ZFP91: variants seen among roughly 807,000 people sequenced by gnomAD.
ZFP91 encodes E3 ubiquitin-protein ligase ZFP91.
ZFP91 carries 7 observed loss-of-function variants against 63.5 expected under a neutral mutation model. That is an observed-to-expected ratio of 0.11 (90% CI 0.06 to 0.21). The LOEUF is 0.21. Among genes scored for constraint, ZFP91 ranks in the 10% least tolerant of loss-of-function variants. The pLI is 1.00. For missense variants in ZFP91, 628 were observed against 736.6 expected (o/e 0.85, Z 1.71); for synonymous variants, 330 against 272.1 (o/e 1.21, Z -2.10).
chr11:58,616,879 C>A, intron 10 of ZFP91, 64 bp downstream of exon 10: 2 of 1,481,402 alleles, frequency 1.4e-6, no homozygotes, highest in South Asian at 1.2e-5. Context: ...GAAGGTTTGC[C>A]GCTTTACAAA....
At position 58,620,044 on chromosome 11, in the gene ZFP91, A is replaced by G. The variant is rs929248074; in HGVS notation, c.*2338A>G. ...ATCTTTCTGAGATGGGAGAAAATGT[A>G]TTCTCCTTTCCTATACCGCTCTCCC... On this transcript the variant is annotated 3_prime_UTR_variant, in exon 11 of 11. Transcript: ENST00000316059. 7.2e-5 allele frequency: 11 copies of G among 152,208 alleles called. No homozygotes were observed. Among genetic ancestry groups the G allele is most frequent in the Admixed American group, 6.5e-4 (10 of 15,278 alleles). The allele number at this position is 152,208 out of a possible 1,614,324, so 9.4% of individuals were successfully genotyped here.
intron 2 of ZFP91, among the ~76,000 whole-genome samples, chr11:58,600,704 G>A (rs974275546): frequency 6.6e-6 from 1 of 152,116 alleles, no homozygotes; most frequent in Non-Finnish European, 1.5e-5. Flanking sequence ...GAATGGAAGT[G>A]AAGAATGAGG....
At chr11:58,602,872 G>A (rs1335131768) in intron 2 of ZFP91, among the ~76,000 whole-genome samples, 2 of 152,172 alleles carry the variant, frequency 1.3e-5, no homozygotes, top group Admixed American at 6.5e-5. Context: ...AGCTATACTC[G>A]GGAGGCTGAG....
intron 9 of ZFP91, among the ~76,000 whole-genome samples, chr11:58,615,217 A>G (rs140041401): frequency 6.6e-6 from 1 of 152,230 alleles, no homozygotes; most frequent in Non-Finnish European, 1.5e-5. Flanking sequence ...GCACAATACC[A>G]GGATTGAACT....
intron 2 of ZFP91, among the ~76,000 whole-genome samples, chr11:58,609,071 T>G (rs1473795828): frequency 6.6e-6 from 1 of 152,196 alleles, no homozygotes; most frequent in Non-Finnish European, 1.5e-5. Context: ...ATGGGCTCAA[T>G]TCTAATGTAC....
At chr11:58,597,437 GC>G (rs1474463460) in intron 2 of ZFP91, among the ~76,000 whole-genome samples, 2 of 152,176 alleles carry the variant, frequency 1.3e-5, no homozygotes, top group East Asian at 3.9e-4. Flanking sequence ...TCTTAACAGT[GC>G]CTGGGAACTT....
Position 58,579,242 on chromosome 11 carries a change from C to G in ZFP91, c.-40C>G. On this transcript the variant is annotated 5_prime_UTR_variant, in exon 1 of 11. Coordinates refer to ENST00000316059, the MANE Select transcript of ZFP91 (RefSeq NM_053023.5). ...GCGCCGAGGCCGCCGCCTCCGCCTCCGCCGCCTAGGACTAGGGGGTGGGGG... is the reference window on the plus strand; with the variant it reads ...GCGCCGAGGCCGCCGCCTCCGCCTCGGCCGCCTAGGACTAGGGGGTGGGGG... The G allele has an allele frequency of 2.2e-6, 3 of 1,361,232 alleles. No homozygotes were observed. Among genetic ancestry groups the G allele is most frequent in the Non-Finnish European group, 2.8e-6 (3 of 1,064,654 alleles). 84.3% of individuals were successfully genotyped at this position (1,361,232 alleles called of 1,614,324 possible).
At chr11:58,582,721 A>G (rs1855139509) in intron 1 of ZFP91, among the ~76,000 whole-genome samples, 1 of 152,186 alleles carries the variant, frequency 6.6e-6, no homozygotes. Flanking sequence ...TGCTTCATTT[A>G]TAATTGATAT....
chr11:58,613,524 T>A (rs1317345494), intron 8 of ZFP91, among the ~76,000 whole-genome samples: 1 of 152,148 alleles, frequency 6.6e-6, no homozygotes, highest in Non-Finnish European at 1.5e-5. Flanking sequence ...CATAGAGAAC[T>A]TTCGTTGGAA....
rs1258707791 is a variant in ZFP91 at position 58,579,416 on chromosome 11, T to G, written c.135T>G (p.Thr45=). The G allele has an allele frequency of 1.0e-5, 15 of 1,451,380 alleles. No individual in the cohort carries two copies. Among genetic ancestry groups the G allele is most frequent in the Non-Finnish European group, 1.3e-5 (14 of 1,110,334 alleles). 89.9% of individuals were successfully genotyped at this position (1,451,380 alleles called of 1,614,324 possible). A position where few individuals can be genotyped will look rare whatever the true frequency, so the allele number is the denominator to read the frequency against. Residue 45 remains threonine, a synonymous_variant, in exon 1 of 11, where the codon ACT becomes ACG. Transcript: ENST00000316059. ...EAVAAAPAGT[T]SSRVLRGGRD... ...TCGCGGCGGCGCCTGCAGGGACCAC[T>G]AGCAGCCGCGTGCTGAGGGGAGGTC...
At chr11:58,582,334 C>T (rs1292327778) in intron 1 of ZFP91, among the ~76,000 whole-genome samples, 1 of 152,198 alleles carries the variant, frequency 6.6e-6, no homozygotes, top group Non-Finnish European at 1.5e-5. Context: ...AAACCCTGGT[C>T]TGGTATCTTT....
chr11:58,590,432 T>G (rs1256208298), intron 2 of ZFP91, among the ~76,000 whole-genome samples: 1 of 152,188 alleles, frequency 6.6e-6, no homozygotes, highest in African/African-American at 2.4e-5. Context: ...AGTTCAGACT[T>G]GTTTTATATT....
chr11:58,607,284 A>C (rs1414597462), intron 2 of ZFP91, among the ~76,000 whole-genome samples: 8 of 152,176 alleles, frequency 5.3e-5, no homozygotes, highest in African/African-American at 1.7e-4. Context: ...GTCATGACCT[A>C]TATGTAAAAG....
At chr11:58,591,596 G>A (rs544148652) in intron 2 of ZFP91, among the ~76,000 whole-genome samples, 7 of 152,040 alleles carry the variant, frequency 4.6e-5, no homozygotes, top group South Asian at 2.1e-4. Context: ...TAGTTAATCC[G>A]TATTCTCACC....
chr11:58,617,777 AT>A lies in ZFP91; in HGVS notation c.*72del, dbSNP rs1380927200. 1.4e-6 allele frequency: 2 copies of A among 1,439,318 alleles called. No homozygotes were observed. Among genetic ancestry groups the A allele is most frequent in the Admixed American group, 2.6e-5 (1 of 37,748 alleles). 89.2% of individuals were successfully genotyped at this position (1,439,318 alleles called of 1,614,324 possible). The stretch of plus-strand genomic sequence containing the variant: ...AAAAGTTAAAAAGGACAAAAAAAAA[AT>A]CTAAAGCATTTAAAATCTAGTGAAA... On this transcript the variant is annotated 3_prime_UTR_variant, in exon 11 of 11. Coordinates refer to ENST00000316059, the MANE Select transcript of ZFP91 (RefSeq NM_053023.5). The surrounding 1 kb of genome is among the most constrained non-coding windows in gnomAD (Gnocchi z 4.2).
intron 2 of ZFP91, among the ~76,000 whole-genome samples, chr11:58,588,305 A>G (rs934095172): frequency 6.6e-6 from 1 of 152,210 alleles, no homozygotes; most frequent in African/African-American, 2.4e-5. Context: ...AGATAAATTC[A>G]TAACAGATCT....
intron 2 of ZFP91, among the ~76,000 whole-genome samples, chr11:58,596,096 T>C (rs996792986): frequency 6.6e-6 from 1 of 152,196 alleles, no homozygotes. Context: ...ATTCATATTT[T>C]ATATGTGTAT....
intron 2 of ZFP91, among the ~76,000 whole-genome samples, chr11:58,609,297 TTTACCA>T (rs1221262288): frequency 6.6e-6 from 1 of 152,220 alleles, no homozygotes; most frequent in Non-Finnish European, 1.5e-5. Flanking sequence ...AGAGCTGGAC[TTTACCA>T]TTCAATTGCT....
intron 2 of ZFP91, among the ~76,000 whole-genome samples, chr11:58,593,815 A>G (rs983313086): frequency 1.3e-5 from 2 of 152,166 alleles, no homozygotes; most frequent in African/African-American, 4.8e-5. Flanking sequence ...TGTTTTCATC[A>G]TCAGTCCAAT....
Sources: gnomAD v4.1 joint callset for allele counts (sites outside exome capture counted in the v4.1 genomes callset) on GRCh38, gnomAD v4.1.1 for gene constraint, Gnocchi (gnomAD v3.1) non-coding constraint, MANE v1.5 for transcripts, NCBI Gene and HGNC (gene_info 2026-07-23, HGNC 2026-07-21) for gene names.